The following NRL variants were observed in gnomAD, a reference collection of about 807,000 sequenced individuals.
The protein encoded by NRL is neural retina-specific leucine zipper protein.
A neutral mutation model predicts 12.5 loss-of-function variants in NRL; 16 were observed. That is an observed-to-expected ratio of 1.28 (90% confidence interval 0.87 to 1.95). The LOEUF (loss-of-function observed/expected upper bound fraction) is 1.95. NRL is among the 30% of genes most tolerant of loss of function. The pLI is 0.00. For synonymous variants in NRL, 142 were observed against 150.9 expected (o/e 0.94, Z 0.43); for missense variants, 314 against 325.8 (o/e 0.96, Z 0.28).
intron 2 of NRL, 67 bp downstream of exon 2, chr14:24,082,401 C>T: frequency 7.5e-6 from 12 of 1,601,652 alleles, no homozygotes; most frequent in Non-Finnish European, 9.4e-6. Flanking sequence ...GGGAGCTCCC[C>T]TTCCTCTCTT....
rs1229819352 is a variant in NRL, at chr14:24,085,325, C to T, written c.-27-2450G>A. 6.6e-6 allele frequency among the ~76,000 whole-genome samples: 1 copy of T among 152,216 alleles called. No individual in the cohort carries two copies. Among genetic ancestry groups the T allele is most frequent in the Non-Finnish European group, 1.5e-5 (1 of 68,040 alleles). On this transcript the variant is annotated intron_variant, in intron 1 of 2. Transcript: ENST00000561028. The surrounding 1 kb of genome is among the most constrained non-coding windows in gnomAD (Gnocchi z 4.1). The stretch of plus-strand genomic sequence containing the variant: ...AGGGACATTGAAATCTAATCACCAC[C>T]AGTCCGTCGGAGACACTTTTGTAAC...
chr14:24,099,123 A>G, intron 1 of NRL: 1 of 1,612,178 alleles, frequency 6.2e-7, no homozygotes, highest in East Asian at 2.2e-5. Context: ...GCGGGAGATC[A>G]TCTCCTTCGG....
intron 1 of NRL, among the ~76,000 whole-genome samples, chr14:24,088,067 G>A (rs1337409927): frequency 1.3e-5 from 2 of 152,114 alleles, no homozygotes; most frequent in Non-Finnish European, 2.9e-5. Context: ...CTTAGGCCCA[G>A]GCAGGAGTGG....
At chr14:24,095,486 C>T (rs948349821) in intron 1 of NRL, 9 of 318,428 alleles carry the variant, frequency 2.8e-5, no homozygotes, top group Non-Finnish European at 5.1e-5. Context: ...CTCCCGTATC[C>T]ATGCTCTGAG....
At chr14:24,099,356 C>T in intron 1 of NRL, 1 of 1,091,008 alleles carries the variant, frequency 9.2e-7, no homozygotes, top group Non-Finnish European at 1.3e-6. Context: ...GGGGACTCTA[C>T]TTGAAGGCCC....
chr14:24,081,372 C>T lies in NRL; in HGVS notation c.578G>A (p.Arg193His), dbSNP rs2036283625. 13 of 1,429,404 alleles carry T rather than the reference C, an allele frequency of 9.1e-6. No homozygotes were observed. Among genetic ancestry groups the T allele is most frequent in the Admixed American group, 3.0e-5 (1 of 32,908 alleles). 88.5% of individuals were successfully genotyped at this position (1,429,404 alleles called of 1,614,324 possible). ...QRRGLEAERA[R>H]LAAQLDALRA... The stretch of plus-strand genomic sequence containing the variant: ...CAGCGCGTCCAGCTGGGCGGCCAGG[C>T]GGGCGCGCTCGGCCTCCAGCCCGCG... The change falls in exon 3 of 3, where the codon CGC (arginine) becomes CAC (histidine). Residue 193 changes from arginine (R) to histidine (H), a missense_variant. Physicochemically the swap from Arg to His is conservative, Grantham distance 29. Transcript: ENST00000561028. This position sits in a 1 kb window ranked among gnomAD's most constrained non-coding sequence, Gnocchi z 4.4.
intron 1 of NRL, among the ~76,000 whole-genome samples, chr14:24,092,916 CAG>C: frequency 6.6e-6 from 1 of 152,384 alleles, no homozygotes; most frequent in East Asian, 1.9e-4. Flanking sequence ...TCCTGCTTTG[CAG>C]TGCCAAGCTA....
At chr14:24,110,041 G>A (rs374860189) in intron 1 of NRL, among the ~76,000 whole-genome samples, 6 of 152,008 alleles carry the variant, frequency 3.9e-5, no homozygotes, top group Admixed American at 2.0e-4. Flanking sequence ...ATCCTTTGTA[G>A]AAGCTACACC....
rs1265970571 is a variant in NRL at position 24,094,587 on chromosome 14, C to G, written c.-27-11712G>C. On this transcript the variant is annotated intron_variant, in intron 1 of 2. Coordinates refer to ENST00000561028, the MANE Select transcript of NRL (RefSeq NM_001354768.3). This position sits in a 1 kb window ranked among gnomAD's most constrained non-coding sequence, Gnocchi z 4.1. ...CGACTGCTGTGGGTCCAGCCTCCCG[C>G]GCCGCGCGTCTCTTGGGAGGGCAGC... is the stretch of plus-strand genomic sequence containing the variant. 1.4e-6 allele frequency: 2 copies of G among 1,451,276 alleles called. No homozygotes were observed. Among genetic ancestry groups the G allele is most frequent in the African/African-American group, 2.9e-5 (2 of 70,174 alleles). The allele number at this position is 1,451,276 out of a possible 1,614,324, so 89.9% of individuals were successfully genotyped here.
At position 24,094,217 on chromosome 14, in the gene NRL, C is replaced by A. The variant is rs1031974589; in HGVS notation, c.-27-11342G>T. The A allele has an allele frequency of 1.6e-4, 92 of 588,362 alleles. 1 individual carries two copies. The highest frequency in any genetic ancestry group is 4.1e-5 in the South Asian group (2 of 48,460). 36.4% of individuals were successfully genotyped at this position (588,362 alleles called of 1,614,324 possible). A position where few individuals can be genotyped will look rare whatever the true frequency, so the allele number is the denominator to read the frequency against. On this transcript the variant is annotated intron_variant, in intron 1 of 2. Transcript: ENST00000561028. The surrounding 1 kb of genome is among the most constrained non-coding windows in gnomAD (Gnocchi z 4.1). ...CCCCGGGGCCGAGGGAGCTGGCCTG[C>A]CAGCGGGGCGGAGGAAAGCTAGTGC...
chr14:24,110,954 T>C (rs1365094853), intron 1 of NRL, among the ~76,000 whole-genome samples: 3 of 152,246 alleles, frequency 2.0e-5, no homozygotes, highest in Non-Finnish European at 4.4e-5. Flanking sequence ...TGGAAGTTTG[T>C]ATTTGAAACA....
chr14:24,084,787 G>A (rs1254619046), intron 1 of NRL: 2 of 851,104 alleles, frequency 2.3e-6, no homozygotes, highest in African/African-American at 3.7e-5. Flanking sequence ...GTACAAGTGT[G>A]CTTATTCTCA....
chr14:24,105,693 C>T (rs762713312), intron 1 of NRL, among the ~76,000 whole-genome samples: 5 of 152,182 alleles, frequency 3.3e-5, no homozygotes, highest in Non-Finnish European at 5.9e-5. Context: ...CCAAGGAGGG[C>T]GGATCACCTG....
intron 1 of NRL, chr14:24,098,541 T>G (rs1472249122): frequency 2.5e-6 from 4 of 1,613,978 alleles, no homozygotes; most frequent in Non-Finnish European, 3.4e-6. Context: ...CGCATCGGGG[T>G]GCAGCTCACT....
chr14:24,098,347 C>T, intron 1 of NRL: 1 of 1,613,502 alleles, frequency 6.2e-7, no homozygotes, highest in South Asian at 1.1e-5. Flanking sequence ...CAGCTGATTT[C>T]CAGCGAGCTG....
Position 24,098,467 on chromosome 14 carries a change from C to T in NRL, c.-27-15592G>A. ...AACCCTTCATCCAGGGGATGCCTTC[C>T]TCCACAGGCCGCACCATGTATGTGC... On this transcript the variant is annotated intron_variant, in intron 1 of 2. Transcript: ENST00000561028. 1 of 1,613,904 alleles carries T rather than the reference C, an allele frequency of 6.2e-7. No individual in the cohort carries two copies. The highest frequency in any genetic ancestry group is 8.5e-7 in the Non-Finnish European group (1 of 1,179,896).
intron 1 of NRL, chr14:24,096,838 C>T (rs2036906480): frequency 2.6e-6 from 4 of 1,541,000 alleles, no homozygotes; most frequent in Non-Finnish European, 3.5e-6. Flanking sequence ...CCACCACCTG[C>T]CTTGTCCACT....
chr14:24,087,751 C>T (rs1351791932), intron 1 of NRL, among the ~76,000 whole-genome samples: 2 of 152,210 alleles, frequency 1.3e-5, no homozygotes, highest in Non-Finnish European at 2.9e-5. Flanking sequence ...CTTCAAGAAA[C>T]TTACAGACTG....
At chr14:24,095,428 C>T (rs2036825084) in intron 1 of NRL, 1 of 352,448 alleles carries the variant, frequency 2.8e-6, no homozygotes, top group Non-Finnish European at 5.7e-6. Context: ...GATCATCTAT[C>T]CTGCTTTAGC....
Sources: gnomAD v4.1 joint callset for allele counts (sites outside exome capture counted in the v4.1 genomes callset) on GRCh38, gnomAD v4.1.1 for gene constraint, Gnocchi (gnomAD v3.1) non-coding constraint, MANE v1.5 for transcripts, NCBI Gene and HGNC (gene_info 2026-07-23, HGNC 2026-07-21) for gene names.